ELMO1: variants seen among roughly 807,000 people sequenced by gnomAD.
The protein encoded by ELMO1 is engulfment and cell motility 1.
ELMO1 carries 26 observed loss-of-function variants against 98.9 expected under a neutral mutation model. The observed-to-expected ratio is 0.26, with a 90% CI of 0.19 to 0.36. The LOEUF (loss-of-function observed/expected upper bound fraction) is 0.36, where lower values mean the gene tolerates loss of function less well. Ranked by LOEUF, ELMO1 falls within the 10% of genes least tolerant of loss-of-function variation. ELMO1 has a pLI of 1.00. For synonymous variants in ELMO1, 346 were observed against 346.0 expected (o/e 1.00, Z 0.00); for missense variants, 627 against 935.2 (o/e 0.67, Z 4.30).
intron 16 of ELMO1, among the ~76,000 whole-genome samples, chr7:36,969,489 GAAGTTT>G (rs1789731147): frequency 6.6e-6 from 1 of 152,110 alleles, no homozygotes; most frequent in African/African-American, 2.4e-5. Context: ...CATTTCACAG[GAAGTTT>G]AACTCAGTAT....
intron 16 of ELMO1, among the ~76,000 whole-genome samples, chr7:36,957,769 T>C (rs528882520): frequency 6.6e-6 from 1 of 152,264 alleles, no homozygotes; most frequent in South Asian, 2.1e-4. Flanking sequence ...GCCCCAAGTG[T>C]GGAGAGAACA....
intron 15 of ELMO1, among the ~76,000 whole-genome samples, chr7:37,055,207 A>T (rs1796329980): frequency 6.6e-6 from 1 of 152,248 alleles, no homozygotes; most frequent in African/African-American, 2.4e-5. Flanking sequence ...AGAAACAAAG[A>T]GCTGAGGCAT....
intron 15 of ELMO1, among the ~76,000 whole-genome samples, chr7:37,020,853 A>G (rs1794225249): frequency 6.6e-6 from 1 of 152,228 alleles, no homozygotes; most frequent in Non-Finnish European, 1.5e-5. Context: ...GAAAAATGGA[A>G]TATATCATAC....
At chr7:37,289,013 C>T (rs1013844887) in intron 4 of ELMO1, among the ~76,000 whole-genome samples, 7 of 152,148 alleles carry the variant, frequency 4.6e-5, no homozygotes, top group Admixed American at 3.3e-4. Context: ...TTGCCTTGTT[C>T]GTTTTCTAAG....
chr7:37,446,832 AAAAC>A (rs1305134549), intron 1 of ELMO1, among the ~76,000 whole-genome samples: 1 of 152,204 alleles, frequency 6.6e-6, no homozygotes, highest in Non-Finnish European at 1.5e-5. Context: ...CAACCTAATA[AAAAC>A]AAACAAAACA....
At chr7:37,257,499 C>T (rs1795734591) in intron 6 of ELMO1, among the ~76,000 whole-genome samples, 2 of 151,540 alleles carry the variant, frequency 1.3e-5, no homozygotes, top group Admixed American at 1.3e-4. Context: ...CCGAAATGGG[C>T]AGATCACGAG....
intron 1 of ELMO1, among the ~76,000 whole-genome samples, chr7:37,372,080 T>G (rs532891612): frequency 4.6e-5 from 7 of 152,304 alleles, no homozygotes; most frequent in African/African-American, 1.2e-4. Context: ...GTCATTCTCT[T>G]GACCTTTTGC....
At chr7:37,267,451 C>T (rs59365484) in intron 5 of ELMO1, among the ~76,000 whole-genome samples, 2,729 of 152,110 alleles carry the variant, frequency 0.018, 82 homozygotes, top group East Asian at 0.1. Context: ...CGCGCGCACG[C>T]GTGTGTGTGT....
intron 1 of ELMO1, among the ~76,000 whole-genome samples, chr7:37,356,247 G>A (rs60343814): frequency 0.15 from 22,290 of 152,124 alleles, 1,725 homozygotes; most frequent in Non-Finnish European, 0.18. Context: ...ATTGTGAACA[G>A]TGCTACAATA....
chr7:37,053,375 A>G (rs1002879923), intron 15 of ELMO1, among the ~76,000 whole-genome samples: 2 of 152,014 alleles, frequency 1.3e-5, no homozygotes, highest in Non-Finnish European at 2.9e-5. Flanking sequence ...TTTCCTAACA[A>G]TTCCAAACAT....
intron 4 of ELMO1, among the ~76,000 whole-genome samples, chr7:37,282,223 C>T (rs1584914189): frequency 6.6e-6 from 1 of 152,154 alleles, no homozygotes; most frequent in East Asian, 1.9e-4. Flanking sequence ...GGAAGGCTTC[C>T]GATCCTCTGC....
At chr7:36,896,027 C>G (rs1188604163) in intron 16 of ELMO1, among the ~76,000 whole-genome samples, 1 of 152,188 alleles carries the variant, frequency 6.6e-6, no homozygotes, top group Admixed American at 6.5e-5. Context: ...TGAACTGGGA[C>G]TGGATATCAG....
chr7:37,425,035 G>T (rs1454054658), intron 1 of ELMO1, among the ~76,000 whole-genome samples: 4 of 152,140 alleles, frequency 2.6e-5, no homozygotes, highest in African/African-American at 9.7e-5. Context: ...TCTGCCTTAA[G>T]AAGACCCAGG....
intron 15 of ELMO1, among the ~76,000 whole-genome samples, chr7:37,069,294 C>A (rs1468940127): frequency 1.3e-5 from 2 of 152,160 alleles, no homozygotes; most frequent in Non-Finnish European, 2.9e-5. Context: ...GGTCCTAAGA[C>A]CTCTCTAAAT....
At chr7:36,973,680 G>A (rs1365007174) in intron 16 of ELMO1, among the ~76,000 whole-genome samples, 2 of 152,218 alleles carry the variant, frequency 1.3e-5, no homozygotes, top group Non-Finnish European at 2.9e-5. Context: ...GCTGCAGTGT[G>A]GGAGCCCGTT....
intron 1 of ELMO1, among the ~76,000 whole-genome samples, chr7:37,432,396 C>T (rs998059386): frequency 6.6e-6 from 1 of 152,132 alleles, no homozygotes; most frequent in Admixed American, 6.5e-5. Context: ...AACGTGGTTC[C>T]AAAGGCCTGA....
intron 1 of ELMO1, among the ~76,000 whole-genome samples, chr7:37,387,468 A>G (rs966456740): frequency 2.0e-5 from 3 of 152,206 alleles, no homozygotes; most frequent in Admixed American, 6.5e-5. Flanking sequence ...TATAAGGACC[A>G]GTCATATTGG....
intron 15 of ELMO1, among the ~76,000 whole-genome samples, chr7:37,014,842 T>C (rs1340867049): frequency 6.6e-6 from 1 of 151,856 alleles, no homozygotes; most frequent in Non-Finnish European, 1.5e-5. Context: ...AGCAGGCTTA[T>C]AGCAGAGAGC....
intron 16 of ELMO1, among the ~76,000 whole-genome samples, chr7:36,998,950 TG>T: frequency 6.6e-6 from 1 of 152,016 alleles, no homozygotes; most frequent in East Asian, 1.9e-4. Flanking sequence ...ATTAAGAATG[TG>T]GGAGATTTGT....
Sources: gnomAD v4.1 joint callset for allele counts (sites outside exome capture counted in the v4.1 genomes callset) on GRCh38, gnomAD v4.1.1 for gene constraint, MANE v1.5 for transcripts, NCBI Gene and HGNC (gene_info 2026-07-23, HGNC 2026-07-21) for gene names.